The following SDK2 variants were observed in gnomAD, a reference collection of about 807,000 sequenced individuals.
SDK2 encodes the protein protein sidekick-2.
A neutral mutation model predicts 253.9 loss-of-function variants in SDK2; 105 were observed. That is an observed-to-expected ratio of 0.41 (90% CI 0.35 to 0.49). The LOEUF (loss-of-function observed/expected upper bound fraction) is 0.49, where lower values mean the gene tolerates loss of function less well. SDK2 is among the 20% of genes least tolerant of loss of function. The pLI, the probability that SDK2 is intolerant of heterozygous loss-of-function variation, is 0.06. For synonymous variants in SDK2, 1,249 were observed against 1,234.9 expected, an observed-to-expected ratio of 1.01 and a Z score of -0.24; for missense variants, 2,608 against 3,003.0, an observed-to-expected ratio of 0.87 and a Z score of 3.07.
At chr17:73,625,518 C>A (rs929127509) in intron 1 of SDK2, among the ~76,000 whole-genome samples, 10 of 152,240 alleles carry the variant, frequency 6.6e-5, no homozygotes, top group Admixed American at 1.3e-4. Flanking sequence ...GGTTCTTGGG[C>A]TTGCGACCTG....
intron 16 of SDK2, among the ~76,000 whole-genome samples, chr17:73,417,262 C>T (rs1046561675): frequency 4.0e-5 from 6 of 151,334 alleles, no homozygotes; most frequent in Admixed American, 6.6e-5. Flanking sequence ...AAAAATTAGC[C>T]GGATGTGGTG....
chr17:73,589,144 G>A (rs1029689317), intron 1 of SDK2, among the ~76,000 whole-genome samples: 2 of 152,266 alleles, frequency 1.3e-5, no homozygotes, highest in Non-Finnish European at 1.5e-5. Context: ...TCTAGTCAGT[G>A]GCTACTGTAT....
At chr17:73,581,816 G>A (rs923384676) in intron 1 of SDK2, among the ~76,000 whole-genome samples, 3 of 152,226 alleles carry the variant, frequency 2.0e-5, no homozygotes, top group Non-Finnish European at 4.4e-5. Context: ...CCAGGAGTGG[G>A]GGATGGTGTT....
rs1225031436 is a variant in SDK2 at position 73,335,271 on chromosome 17, G to C, written c.*3316C>G. The C allele has an allele frequency of 6.6e-6, 1 of 152,504 alleles. No homozygotes were observed. The highest frequency in any genetic ancestry group is 2.4e-5 in the African/African-American group (1 of 41,462). 9.4% of individuals were successfully genotyped at this position (152,504 alleles called of 1,614,324 possible). Reference sequence around the variant, plus strand: ...GCCAGGAAGGGGAAAGCCCTGGTGTGCCCAGCATGGGCTCCTGGGTGCAAC... The same window carrying C: ...GCCAGGAAGGGGAAAGCCCTGGTGTCCCCAGCATGGGCTCCTGGGTGCAAC... On this transcript the variant is annotated 3_prime_UTR_variant, in exon 45 of 45. Coordinates refer to ENST00000392650, the MANE Select transcript of SDK2 (RefSeq NM_001144952.2).
chr17:73,492,392 G>A (rs1225038596), intron 2 of SDK2, among the ~76,000 whole-genome samples: 1 of 152,068 alleles, frequency 6.6e-6, no homozygotes, highest in East Asian at 1.9e-4. Context: ...TGGAGCCTGT[G>A]GATGTGCTGT....
At chr17:73,552,435 G>C (rs1216775630) in intron 1 of SDK2, among the ~76,000 whole-genome samples, 1 of 152,220 alleles carries the variant, frequency 6.6e-6, no homozygotes, top group Non-Finnish European at 1.5e-5. Flanking sequence ...TGACATCTGT[G>C]TCACGCATTG....
Position 73,430,525 on chromosome 17 carries a change from G to A in SDK2, c.1569C>T (p.Pro523=), listed in dbSNP as rs757837217. ...AGAGCCAGTACCTGATGGTTACTCG[G>A]GGGTCGTGGGTCACTCCGCACACCA... ...ASMVCGVTHD[P]RVTIRYIWEK... The change falls in exon 12 of 45, where the codon CCC becomes CCT. Residue 523 remains proline, a synonymous_variant. Coordinates refer to ENST00000392650, the MANE Select transcript of SDK2 (RefSeq NM_001144952.2). 1 of 1,608,224 alleles carries A rather than the reference G, an allele frequency of 6.2e-7. No individual in the cohort carries two copies. The highest frequency in any genetic ancestry group is 1.3e-5 in the African/African-American group (1 of 74,836).
intron 1 of SDK2, among the ~76,000 whole-genome samples, chr17:73,533,669 T>A (rs1219543984): frequency 1.4e-5 from 1 of 72,674 alleles, no homozygotes; most frequent in Non-Finnish European, 3.0e-5. Context: ...GAAAGGGCCC[T>A]CCCCCAGCCC....
At chr17:73,608,809 G>A (rs111453277) in intron 1 of SDK2, among the ~76,000 whole-genome samples, 2,187 of 152,278 alleles carry the variant, frequency 0.014, 27 homozygotes, top group Non-Finnish European at 0.023. Flanking sequence ...ACACTCAAGG[G>A]AAGGGAGATC....
intron 1 of SDK2, among the ~76,000 whole-genome samples, chr17:73,625,089 C>A: frequency 6.6e-6 from 1 of 152,114 alleles, no homozygotes; most frequent in East Asian, 1.9e-4. Flanking sequence ...AGCAGCAGGG[C>A]CAGGATTCCA....
chr17:73,468,688 T>A (rs1030900372), intron 3 of SDK2, among the ~76,000 whole-genome samples: 12 of 148,594 alleles, frequency 8.1e-5, no homozygotes, highest in Admixed American at 1.3e-4. Flanking sequence ...ATTTTTTTTT[T>A]AATTTTTTTT....
intron 36 of SDK2, among the ~76,000 whole-genome samples, chr17:73,373,996 T>G (rs1161319156): frequency 6.9e-6 from 1 of 144,980 alleles, no homozygotes; most frequent in Non-Finnish European, 1.5e-5. Flanking sequence ...CTTTCACTTT[T>G]GTTGTATGAG....
At position 73,390,446 on chromosome 17, in the gene SDK2, C is replaced by G. The variant is rs758881108; in HGVS notation, c.4033G>C (p.Ala1345Pro). The G allele has an allele frequency of 2.5e-6, 4 of 1,612,014 alleles. No homozygotes were observed. The highest frequency in any genetic ancestry group is 3.4e-6 in the Non-Finnish European group (4 of 1,179,052). ...AGCACCTCCACAGTGGCGGTGTTGG[C>G]CGTGGTGGTGTTGAGCCGGTGTGTG... ...QITHRLNTTT[A>P]NTATVEVLAP... Residue 1345 changes from alanine (A) to proline (P), a missense_variant, in exon 29 of 45, where the codon GCC (alanine) becomes CCC (proline). By Grantham distance (27) the Ala-to-Pro change is conservative. Around this residue, in one of 2 missense-constraint regions of SDK2, gnomAD observed 1,103 missense variants for 1,143.9 expected, o/e 0.96. Transcript: ENST00000392650.
At chr17:73,577,097 A>G (rs909991211) in intron 1 of SDK2, among the ~76,000 whole-genome samples, 2 of 152,198 alleles carry the variant, frequency 1.3e-5, no homozygotes, top group Admixed American at 6.5e-5. Flanking sequence ...CACGGACTGG[A>G]TATGGAGGTG....
intron 16 of SDK2, among the ~76,000 whole-genome samples, chr17:73,418,957 G>A (rs565473398): frequency 7.2e-5 from 11 of 152,034 alleles, no homozygotes; most frequent in African/African-American, 9.7e-5. Context: ...CGCATTCCTC[G>A]CTGGTGTCCA....
intron 36 of SDK2, among the ~76,000 whole-genome samples, chr17:73,368,795 A>T (rs2062709012): frequency 6.6e-6 from 1 of 152,156 alleles, no homozygotes; most frequent in African/African-American, 2.4e-5. Flanking sequence ...GGATCACTTG[A>T]GGCCAGGAGT....
intron 3 of SDK2, among the ~76,000 whole-genome samples, chr17:73,470,271 ACATG>A (rs539162532): frequency 1.3e-5 from 2 of 151,618 alleles, no homozygotes; most frequent in East Asian, 3.9e-4. Flanking sequence ...ACCCAAGCAC[ACATG>A]CATGCATGCA....
At chr17:73,635,247 C>G (rs1266767483) in intron 1 of SDK2, among the ~76,000 whole-genome samples, 1 of 152,168 alleles carries the variant, frequency 6.6e-6, no homozygotes. Flanking sequence ...CTCTGCCTCC[C>G]AAAGTGCTGG....
intron 1 of SDK2, among the ~76,000 whole-genome samples, chr17:73,514,472 A>G (rs752148587): frequency 6.6e-6 from 1 of 152,104 alleles, no homozygotes; most frequent in Non-Finnish European, 1.5e-5. Context: ...GGCTGTGTCC[A>G]TCTCACTGTT....
Sources: gnomAD v4.1 joint callset for allele counts (sites outside exome capture counted in the v4.1 genomes callset) on GRCh38, gnomAD v4.1.1 for gene constraint, gnomAD v4.1.1 regional missense constraint, MANE v1.5 for transcripts, NCBI Gene and HGNC (gene_info 2026-07-23, HGNC 2026-07-21) for gene names.